The following THUMPD2 variants were observed in gnomAD, a reference collection of about 807,000 sequenced individuals.
The protein encoded by THUMPD2 is U6 snRNA (guanine-N(2))-methyltransferase THUMPD2.
THUMPD2 carries 56 observed loss-of-function variants against 49.4 expected under a neutral mutation model. The ratio of observed to expected loss-of-function variants is 1.13; its 90% CI spans 0.91 to 1.41. The LOEUF (loss-of-function observed/expected upper bound fraction) is 1.41. Ranked by LOEUF, THUMPD2 falls within the 40% of genes most tolerant of loss-of-function variation. The pLI is 0.00. For synonymous variants in THUMPD2, 237 were observed against 205.2 expected, an observed-to-expected ratio of 1.15 and a Z score of -1.32; for missense variants, 709 against 594.5, an observed-to-expected ratio of 1.19 and a Z score of -2.00.
At chr2:39,738,180 A>G (rs1209637022) in intron 9 of THUMPD2, among the ~76,000 whole-genome samples, 1 of 152,218 alleles carries the variant, frequency 6.6e-6, no homozygotes, top group Non-Finnish European at 1.5e-5. Context: ...AGACCCATGA[A>G]GTAGACATCC....
intron 4 of THUMPD2, 47 bp from the exon 5 acceptor site, chr2:39,766,156 A>C (rs1347540886): frequency 2.2e-6 from 3 of 1,353,576 alleles, no homozygotes; most frequent in Non-Finnish European, 3.0e-6. Flanking sequence ...AAACTTCATT[A>C]CCAAATTACT....
chr2:39,776,715 CTTTTGTATAT>C (rs1679157508), intron 1 of THUMPD2, among the ~76,000 whole-genome samples: 1 of 152,094 alleles, frequency 6.6e-6, no homozygotes, highest in Non-Finnish European at 1.5e-5. Flanking sequence ...ATTTTGTTTA[CTTTTGTATAT>C]TTTTGAAATT....
At position 39,738,616 on chromosome 2, in the gene THUMPD2, ATATAT is replaced by A. The variant is rs1245161608; in HGVS notation, c.1188-1562_1188-1558del. Among the ~76,000 whole-genome samples the A allele has an allele frequency of 8.3e-5, 10 of 120,188 alleles. No homozygotes were observed. In the East Asian group the frequency reaches 9.7e-4, roughly 12 times the overall value. The allele number at this position is 120,188 out of a possible 152,430, so 78.8% of individuals were successfully genotyped here. A position where few individuals can be genotyped will look rare whatever the true frequency, so the allele number is the denominator to read the frequency against. Reference sequence around the variant, plus strand: ...ACATATGTAAAAATATATATATAATATATATTATATATTTACATATAAATACATAA... The same window carrying A: ...ACATATGTAAAAATATATATATAATATATATATTTACATATAAATACATAA... On this transcript the variant is annotated intron_variant, in intron 9 of 9. Transcript: ENST00000505747.
intron 8 of THUMPD2, among the ~76,000 whole-genome samples, chr2:39,745,344 T>C (rs1674430484): frequency 6.6e-6 from 1 of 152,202 alleles, no homozygotes; most frequent in Non-Finnish European, 1.5e-5. Flanking sequence ...GACTACTTGC[T>C]AGATCTCTCC....
chr2:39,748,273 G>C (rs1674874779), intron 8 of THUMPD2, among the ~76,000 whole-genome samples: 1 of 152,222 alleles, frequency 6.6e-6, no homozygotes, highest in South Asian at 2.1e-4. Context: ...GATTTACAGA[G>C]TAATTCTTTG....
Position 39,755,371 on chromosome 2 carries a change from CTG to C in THUMPD2, c.1000_1001del (p.Gln334ValfsTer14), listed in dbSNP as rs751249831. On this transcript the variant is annotated frameshift_variant, in exon 8 of 10. Coordinates refer to ENST00000505747, the MANE Select transcript of THUMPD2 (RefSeq NM_025264.5). LOFTEE classifies it high-confidence loss of function. ...YYVGADVSDS[Q>X]LLGTWDNLKA... ...TCAGATTGTCCCAAGTACCTAGTAA[CTG>C]TGAGTCGCTGACATCAGCACCTACA... The C allele has an allele frequency of 6.4e-7, 1 of 1,559,450 alleles. No individual in the cohort carries two copies. The highest frequency in any genetic ancestry group is 8.6e-7 in the Non-Finnish European group (1 of 1,162,102).
chr2:39,779,152 C>T lies in THUMPD2; in HGVS notation c.88G>A (p.Val30Ile). 1 of 1,519,734 alleles carries T rather than the reference C, an allele frequency of 6.6e-7. No homozygotes were observed. The highest frequency in any genetic ancestry group is 8.8e-7 in the Non-Finnish European group (1 of 1,139,490). The allele number at this position is 1,519,734 out of a possible 1,614,324, so 94.1% of individuals were successfully genotyped here. ...CTAGRGLEPF[V>I]MREVRARLAA... ...AGCCGCGCCCGCACCTCTCGCATTA[C>T]GAACGGCTCCAGGCCGCGACCCGCA... is the stretch of plus-strand genomic sequence containing the variant. The change falls in exon 1 of 10, where the codon GTA becomes ATA. Residue 30 changes from valine (V) to isoleucine (I), a missense_variant. Physicochemically the swap from Val to Ile is conservative, Grantham distance 29. Transcript: ENST00000505747.
chr2:39,753,448 C>T (rs1675682468), intron 8 of THUMPD2, among the ~76,000 whole-genome samples: 1 of 152,206 alleles, frequency 6.6e-6, no homozygotes, highest in African/African-American at 2.4e-5. Flanking sequence ...CCCTTCTCTA[C>T]TTACACTCAT....
chr2:39,771,621 T>C lies in THUMPD2; in HGVS notation c.146A>G (p.Lys49Arg), dbSNP rs746298176. 1 of 1,603,470 alleles carries C rather than the reference T, an allele frequency of 6.2e-7. No individual in the cohort carries two copies. The highest frequency in any genetic ancestry group is 2.2e-5 in the East Asian group (1 of 44,502). The change falls in exon 2 of 10, where the codon AAG (lysine) becomes AGG (arginine). Residue 49 changes from lysine to arginine, a missense_variant. Lys to Arg is a conservative substitution (Grantham distance 26). Coordinates refer to ENST00000505747, the MANE Select transcript of THUMPD2 (RefSeq NM_025264.5). The part of the protein sequence containing the change: ...AATQVEYISG[K>R]VFFTTCSDLN... ...ATCAGAACAGGTGGTGAAAAAAACC[T>C]TTCCTGAAATATATTCAACCTAGAA...
At chr2:39,761,658 C>T (rs1043410308) in intron 5 of THUMPD2, among the ~76,000 whole-genome samples, 13 of 152,146 alleles carry the variant, frequency 8.5e-5, no homozygotes, top group Admixed American at 3.3e-4. Flanking sequence ...GAAATTTACA[C>T]TCTCACGTAT....
chr2:39,774,942 T>C (rs1434088388), intron 1 of THUMPD2, among the ~76,000 whole-genome samples: 2 of 152,202 alleles, frequency 1.3e-5, no homozygotes, highest in Non-Finnish European at 2.9e-5. Context: ...GCATTTTTCC[T>C]TTCTTTTAAA....
intron 1 of THUMPD2, among the ~76,000 whole-genome samples, chr2:39,777,651 A>AT: frequency 6.6e-6 from 1 of 152,304 alleles, no homozygotes; most frequent in Middle Eastern, 3.4e-3. Context: ...CTTGGGTGGA[A>AT]TTTCAGAGAT....
At position 39,740,628 on chromosome 2, in the gene THUMPD2, T is replaced by TA. The variant is rs1226360336; in HGVS notation, c.1188-3570dup. On this transcript the variant is annotated intron_variant, in intron 9 of 9. Coordinates refer to ENST00000505747, the MANE Select transcript of THUMPD2 (RefSeq NM_025264.5). ...TAATTTCTTTTCTTTTCTTTTTTTTTATTTTTTTAGAGATGGGGTCACTCC... is the reference window on the plus strand; with the variant it reads ...TAATTTCTTTTCTTTTCTTTTTTTTTAATTTTTTTAGAGATGGGGTCACTCC... 5.9e-5 allele frequency among the ~76,000 whole-genome samples: 9 copies of TA among 151,958 alleles called. No individual in the cohort carries two copies. In the South Asian group the frequency reaches 1.0e-3, roughly 18 times the overall value.
chr2:39,774,924 T>TAG (rs1678871219), intron 1 of THUMPD2, among the ~76,000 whole-genome samples: 1 of 152,164 alleles, frequency 6.6e-6, no homozygotes, highest in Non-Finnish European at 1.5e-5. Context: ...TGCTAGCATA[T>TAG]CTAAACAGCA....
At chr2:39,745,963 C>T (rs554367690) in intron 8 of THUMPD2, among the ~76,000 whole-genome samples, 1 of 152,258 alleles carries the variant, frequency 6.6e-6, no homozygotes, top group East Asian at 1.9e-4. Context: ...AACTGTGGGA[C>T]TTTGGGAAAT....
At chr2:39,760,816 A>C (rs1450907327) in intron 6 of THUMPD2, among the ~76,000 whole-genome samples, 1 of 152,216 alleles carries the variant, frequency 6.6e-6, no homozygotes, top group Non-Finnish European at 1.5e-5. Flanking sequence ...GTATATACCA[A>C]GCCACATGAC....
rs943790789 is a variant in THUMPD2 at position 39,760,702 on chromosome 2, T to C, written c.891+629A>G. Among the ~76,000 whole-genome samples the C allele has an allele frequency of 2.0e-5, 3 of 151,560 alleles. No individual in the cohort carries two copies. The East Asian group carries it at 5.8e-4, about 29-fold the overall frequency. On this transcript the variant is annotated intron_variant, in intron 6 of 9. Transcript: ENST00000505747. Reference sequence around the variant, plus strand: ...TGATGCAAACAAAAAGGAGTGAAAATATTAGTAAGACAGTGAGACTTAAAT... The same window carrying C: ...TGATGCAAACAAAAAGGAGTGAAAACATTAGTAAGACAGTGAGACTTAAAT...
intron 6 of THUMPD2, among the ~76,000 whole-genome samples, chr2:39,760,204 C>A (rs1382284451): frequency 2.0e-5 from 3 of 152,030 alleles, no homozygotes; most frequent in African/African-American, 7.2e-5. Flanking sequence ...GTTCAAAGGT[C>A]TCACTGTAGA....
chr2:39,757,508 A>C (rs1436360805), intron 6 of THUMPD2: 3 of 875,218 alleles, frequency 3.4e-6, no homozygotes, highest in Admixed American at 3.2e-5. Context: ...TTTTGTTGAA[A>C]ATTGTTAATA....
Sources: allele counts gnomAD v4.1 joint callset (sites outside exome capture counted in the v4.1 genomes callset), GRCh38; gene constraint gnomAD v4.1.1; transcripts MANE v1.5; gene names NCBI Gene and HGNC (gene_info 2026-07-23, HGNC 2026-07-21).